F13A1: variants seen among roughly 807,000 people sequenced by gnomAD.
F13A1 encodes the protein coagulation factor XIII A chain.
In F13A1, 47 loss-of-function variants were observed where a neutral mutation model predicts 80.1. The ratio of observed to expected loss-of-function variants is 0.59; its 90% CI spans 0.46 to 0.75. F13A1 has a LOEUF of 0.75. Among genes scored for constraint, F13A1 ranks in the 30% least tolerant of loss-of-function variants. F13A1 has a pLI of 0.00. For synonymous variants in F13A1, 349 were observed against 344.9 expected (o/e 1.01, Z -0.13); for missense variants, 817 against 930.4 (o/e 0.88, Z 1.59).
At chr6:6,314,381 A>G (rs543265379) in intron 2 of F13A1, among the ~76,000 whole-genome samples, 23 of 152,268 alleles carry the variant, frequency 1.5e-4, no homozygotes, top group Admixed American at 1.3e-4. Flanking sequence ...AAGATCCCCA[A>G]GGCCTGGTAT....
rs1240567747 is a variant in F13A1, at chr6:6,215,230, A to C, written c.1112+6803T>G. 3.0e-4 allele frequency among the ~76,000 whole-genome samples: 40 copies of C among 132,476 alleles called. 2 individuals are homozygous for C. Among genetic ancestry groups the C allele is most frequent in the African/African-American group, 1.0e-3 (38 of 37,334 alleles). The allele number at this position is 132,476 out of a possible 152,430, so 86.9% of individuals were successfully genotyped here. ...AAGCCGGGTAGAGACACAACAAAAA[A>C]AGAGAATTTTAGACCAATATCCTTG... On this transcript the variant is annotated intron_variant, in intron 8 of 14. Transcript: ENST00000264870.
chr6:6,281,060 A>G lies in F13A1; in HGVS notation c.320-14251T>C, dbSNP rs557210171. 8.5e-5 allele frequency among the ~76,000 whole-genome samples: 13 copies of G among 152,284 alleles called. No homozygotes were observed. The South Asian group carries it at 2.7e-3, about 32-fold the overall frequency. ...GTCATTGAACATCGCATGGCTCCCC[A>G]TGAAAACGGTCATTTGGCAACTCGT... On this transcript the variant is annotated intron_variant, in intron 3 of 14. Coordinates refer to ENST00000264870, the MANE Select transcript of F13A1 (RefSeq NM_000129.4).
Position 6,151,868 on chromosome 6 carries a change from C to A in F13A1, c.1990G>T (p.Val664Phe). The change falls in exon 14 of 15, where the codon GTC becomes TTC. Residue 664 changes from valine to phenylalanine, a missense_variant. Coordinates refer to ENST00000264870, the MANE Select transcript of F13A1 (RefSeq NM_000129.4). ...TNPLKETLRN[V>F]WVHLDGPGVT... is the part of the protein sequence containing the mutation. ...CCAGGACCATCCAGGTGTACCCAGACATTTCGCAGGGTTTCTTTTAAAGGA... is the reference window on the plus strand; with the variant it reads ...CCAGGACCATCCAGGTGTACCCAGAAATTTCGCAGGGTTTCTTTTAAAGGA... The A allele has an allele frequency of 6.2e-7, 1 of 1,614,094 alleles. No homozygotes were observed.
intron 2 of F13A1, among the ~76,000 whole-genome samples, chr6:6,313,307 G>A (rs1475071): frequency 7.0e-6 from 1 of 143,590 alleles, no homozygotes; most frequent in East Asian, 2.0e-4. Flanking sequence ...TTTTAAATAC[G>A]GTAGCTAGAA....
rs1205706026 is a variant in F13A1, at chr6:6,277,331, G to A, written c.320-10522C>T. On this transcript the variant is annotated intron_variant, in intron 3 of 14. Coordinates refer to ENST00000264870, the MANE Select transcript of F13A1 (RefSeq NM_000129.4). Reference sequence around the variant, plus strand: ...AGCCTGGGCGACAGAGCGAGACTCCGTCTCAAAAAAAAAAAAAAAAAAAAA... The same window carrying A: ...AGCCTGGGCGACAGAGCGAGACTCCATCTCAAAAAAAAAAAAAAAAAAAAA... 6.3e-5 allele frequency among the ~76,000 whole-genome samples: 7 copies of A among 110,402 alleles called. 1 individual carries two copies. Among genetic ancestry groups the A allele is most frequent in the Non-Finnish European group, 7.5e-5 (4 of 53,542 alleles). The allele number at this position is 110,402 out of a possible 152,430, so 72.4% of individuals were successfully genotyped here. A position where few individuals can be genotyped will look rare whatever the true frequency, so the allele number is the denominator to read the frequency against.
intron 2 of F13A1, among the ~76,000 whole-genome samples, chr6:6,314,273 C>T (rs1315546875): frequency 6.6e-6 from 1 of 152,134 alleles, no homozygotes; most frequent in Non-Finnish European, 1.5e-5. Flanking sequence ...AGCCACCGTG[C>T]CCAGCCCTCC....
intron 2 of F13A1, among the ~76,000 whole-genome samples, chr6:6,312,735 T>TA (rs1554106184): frequency 1.5e-5 from 1 of 68,882 alleles, no homozygotes; most frequent in Non-Finnish European, 2.7e-5. Flanking sequence ...AGACATTTCA[T>TA]AAAAAATAAA....
chr6:6,309,327 T>C (rs902177461), intron 2 of F13A1, among the ~76,000 whole-genome samples: 4 of 151,570 alleles, frequency 2.6e-5, no homozygotes, highest in Non-Finnish European at 5.9e-5. Context: ...CTGAGGGGAG[T>C]ATCAGGGAGG....
chr6:6,307,413 G>A (rs768886746), intron 2 of F13A1, among the ~76,000 whole-genome samples: 3 of 152,056 alleles, frequency 2.0e-5, no homozygotes, highest in Non-Finnish European at 2.9e-5. Flanking sequence ...TTTCTCCTAA[G>A]TCCTCTGGTC....
In F13A1 at chr6:6,173,796, C is replaced by G. The variant is rs140170403; in HGVS notation, c.1747+784G>C. On this transcript the variant is annotated intron_variant, in intron 12 of 14. Transcript: ENST00000264870. ...CCCCAAAAGACTTTCCTAACTTGGG[C>G]GAGAGGCACCAGCAGAGGGCCTGTT... 8.6e-5 allele frequency among the ~76,000 whole-genome samples: 13 copies of G among 152,038 alleles called. 2 individuals carry two copies. The South Asian group carries it at 1.0e-3, about 12-fold the overall frequency.
At chr6:6,220,254 G>T (rs1359196996) in intron 8 of F13A1, among the ~76,000 whole-genome samples, 2 of 152,184 alleles carry the variant, frequency 1.3e-5, no homozygotes, top group Admixed American at 6.5e-5. Context: ...AGTGGAGGGT[G>T]GGTGAGGGTC....
intron 13 of F13A1, among the ~76,000 whole-genome samples, chr6:6,156,175 A>G (rs1472845475): frequency 6.6e-6 from 1 of 152,232 alleles, no homozygotes; most frequent in Non-Finnish European, 1.5e-5. Flanking sequence ...TTTTAAAAAA[A>G]TCAACCCGTA....
chr6:6,278,423 C>G (rs1018760258), intron 3 of F13A1, among the ~76,000 whole-genome samples: 1 of 152,096 alleles, frequency 6.6e-6, no homozygotes, highest in African/African-American at 2.4e-5. Context: ...TATCAGGGGA[C>G]AGGTGTCATC....
chr6:6,190,928 G>T (rs1414316115), intron 10 of F13A1, among the ~76,000 whole-genome samples: 1 of 151,984 alleles, frequency 6.6e-6, no homozygotes, highest in Non-Finnish European at 1.5e-5. Flanking sequence ...ATCTCGTGGT[G>T]CGCCGTTTTT....
chr6:6,256,325 C>G (rs146323537), intron 4 of F13A1, among the ~76,000 whole-genome samples: 1 of 152,106 alleles, frequency 6.6e-6, no homozygotes, highest in South Asian at 2.1e-4. Flanking sequence ...GTAGGAGCGG[C>G]TGCACCTTGG....
intron 10 of F13A1, among the ~76,000 whole-genome samples, chr6:6,185,004 G>A (rs1284533156): frequency 6.6e-6 from 1 of 152,078 alleles, no homozygotes; most frequent in African/African-American, 2.4e-5. Context: ...AAAAAAGCAT[G>A]GAATGATTGG....
intron 4 of F13A1, among the ~76,000 whole-genome samples, chr6:6,256,504 G>A (rs576354294): frequency 5.3e-5 from 8 of 152,110 alleles, no homozygotes; most frequent in Non-Finnish European, 1.0e-4. Context: ...AAAATGCCTC[G>A]TAAATAACCA....
At position 6,250,917 on chromosome 6, in the gene F13A1, T is replaced by C. The variant is rs750037139; in HGVS notation, c.584A>G (p.Tyr195Cys). Reference sequence around the variant, plus strand: ...TTCTCTTTCTTTCTCATTGTCCAGATACACAGCATCATCTGCATCAGGGTT... The same window carrying C: ...TTCTCTTTCTTTCTCATTGTCCAGACACACAGCATCATCTGCATCAGGGTT... ...FNPWCEDDAV[Y>C]LDNEKEREEY... The change falls in exon 5 of 15, where the codon TAT becomes TGT. Residue 195 changes from tyrosine (Y) to cysteine (C), a missense_variant. Physicochemically the swap from Tyr to Cys is radical, Grantham distance 194. Transcript: ENST00000264870. The surrounding 1 kb of genome is among the most constrained non-coding windows in gnomAD (Gnocchi z 4.2). The C allele has an allele frequency of 1.9e-6, 3 of 1,609,042 alleles. No individual in the cohort carries two copies. Among genetic ancestry groups the C allele is most frequent in the South Asian group, 1.1e-5 (1 of 91,020 alleles).
intron 11 of F13A1, among the ~76,000 whole-genome samples, chr6:6,176,469 A>G (rs780295282): frequency 2.0e-5 from 3 of 152,232 alleles, no homozygotes; most frequent in Non-Finnish European, 4.4e-5. Flanking sequence ...GGAAGTAGAT[A>G]TATAATAAAT....
Sources: gnomAD v4.1 joint callset for allele counts (sites outside exome capture counted in the v4.1 genomes callset) on GRCh38, gnomAD v4.1.1 for gene constraint, Gnocchi (gnomAD v3.1) non-coding constraint, MANE v1.5 for transcripts, NCBI Gene and HGNC (gene_info 2026-07-23, HGNC 2026-07-21) for gene names.